The following LRRC4C variants were observed in gnomAD, a reference collection of about 807,000 sequenced individuals.
LRRC4C encodes leucine-rich repeat-containing protein 4C.
A neutral mutation model predicts 33.6 loss-of-function variants in LRRC4C; 5 were observed. That is an observed-to-expected ratio of 0.15 (90% CI 0.08 to 0.31). The LOEUF (loss-of-function observed/expected upper bound fraction) is 0.31, where lower values mean the gene tolerates loss of function less well. Among genes scored for constraint, LRRC4C ranks in the 10% least tolerant of loss-of-function variants. LRRC4C has a pLI of 1.00. For synonymous variants in LRRC4C, 329 were observed against 302.0 expected, an observed-to-expected ratio of 1.09 and a Z score of -0.93; for missense variants, 560 against 796.7, an observed-to-expected ratio of 0.70 and a Z score of 3.58.
intron 1 of LRRC4C, among the ~76,000 whole-genome samples, chr11:41,154,896 G>T (rs1205253466): frequency 6.6e-6 from 1 of 152,130 alleles, no homozygotes; most frequent in Admixed American, 6.6e-5. Context: ...TCACTAGAGT[G>T]GTACGATTAT....
At chr11:40,980,918 T>C (rs1852472310) in intron 1 of LRRC4C, among the ~76,000 whole-genome samples, 1 of 152,230 alleles carries the variant, frequency 6.6e-6, no homozygotes, top group Admixed American at 6.5e-5. Context: ...TAATAAACAG[T>C]AACACATATC....
intron 1 of LRRC4C, among the ~76,000 whole-genome samples, chr11:40,997,610 A>C (rs569970600): frequency 6.6e-6 from 1 of 152,258 alleles, no homozygotes; most frequent in East Asian, 1.9e-4. Context: ...AGAGGTGGGC[A>C]AAGGGTCAAT....
intron 1 of LRRC4C, among the ~76,000 whole-genome samples, chr11:41,353,662 G>T (rs959197635): frequency 1.3e-5 from 2 of 152,128 alleles, no homozygotes; most frequent in Non-Finnish European, 2.9e-5. Flanking sequence ...ACATCAAAAA[G>T]CTAATCTACC....
intron 1 of LRRC4C, among the ~76,000 whole-genome samples, chr11:41,173,068 G>A (rs1310496762): frequency 6.6e-6 from 1 of 152,128 alleles, no homozygotes; most frequent in Non-Finnish European, 1.5e-5. Flanking sequence ...CTGAAATACA[G>A]GTGGTTCCTA....
intron 2 of LRRC4C, among the ~76,000 whole-genome samples, chr11:40,807,632 A>C (rs1951311688): frequency 6.6e-6 from 1 of 152,240 alleles, no homozygotes; most frequent in Non-Finnish European, 1.5e-5. Flanking sequence ...CATCCAAAGC[A>C]GTAAATACTA....
intron 2 of LRRC4C, among the ~76,000 whole-genome samples, chr11:40,904,282 G>A (rs187283894): frequency 1.6e-4 from 24 of 152,228 alleles, no homozygotes; most frequent in South Asian, 1.0e-3. Context: ...CAGAGAAGTC[G>A]TAGGTCACAC....
intron 3 of LRRC4C, among the ~76,000 whole-genome samples, chr11:40,510,114 C>T (rs964299487): frequency 6.6e-6 from 1 of 151,530 alleles, no homozygotes; most frequent in South Asian, 2.1e-4. Context: ...ACTTACATGA[C>T]AAAAGCTCGA....
intron 1 of LRRC4C, among the ~76,000 whole-genome samples, chr11:40,978,927 T>A (rs1240859287): frequency 6.6e-6 from 1 of 152,042 alleles, no homozygotes; most frequent in Non-Finnish European, 1.5e-5. Context: ...CCATCATGCC[T>A]CATCTCTTTT....
intron 1 of LRRC4C, among the ~76,000 whole-genome samples, chr11:41,333,407 A>G (rs896829290): frequency 1.2e-4 from 18 of 152,350 alleles, no homozygotes; most frequent in South Asian, 6.2e-4. Flanking sequence ...TAACATGTAC[A>G]GTTAGCTTTA....
In LRRC4C at chr11:40,281,087, G is replaced by C. The variant is rs1475611303; in HGVS notation, c.-176+38541C>G. ...AGAGAGGGTGAGAAAGAGAGGGAAA[G>C]GCTGCTTGCTGCTTTGGGGAATTGA... On this transcript the variant is annotated intron_variant, in intron 4 of 6. Transcript: ENST00000528697. Among the ~76,000 whole-genome samples the C allele has an allele frequency of 2.0e-5, 3 of 152,280 alleles. No homozygotes were observed. The East Asian group carries it at 5.8e-4, about 29-fold the overall frequency.
chr11:40,126,146 T>C (rs16934385), intron 6 of LRRC4C, among the ~76,000 whole-genome samples: 11,653 of 149,410 alleles, frequency 0.078, 502 homozygotes, highest in East Asian at 0.19. Flanking sequence ...TGCTAAAATT[T>C]CAGAAGTTGA....
At chr11:40,683,302 C>A (rs1241950200) in intron 2 of LRRC4C, among the ~76,000 whole-genome samples, 1 of 152,134 alleles carries the variant, frequency 6.6e-6, no homozygotes, top group Non-Finnish European at 1.5e-5. Context: ...CCACATGACA[C>A]TGTGCCATTA....
intron 2 of LRRC4C, among the ~76,000 whole-genome samples, chr11:40,899,950 GAC>G (rs1491117063): frequency 1.4e-4 from 22 of 152,142 alleles, no homozygotes; most frequent in African/African-American, 5.3e-4. Context: ...AGTACCTTAA[GAC>G]TATGTAAATA....
intron 3 of LRRC4C, among the ~76,000 whole-genome samples, chr11:40,547,493 A>G (rs148855990): frequency 2.0e-5 from 3 of 152,176 alleles, no homozygotes; most frequent in Admixed American, 6.6e-5. Flanking sequence ...GACCCGTTTC[A>G]TTTTACCACC....
At position 41,229,250 on chromosome 11, in the gene LRRC4C, C is replaced by T. The variant is rs549535666; in HGVS notation, c.-496+230181G>A. 1.5e-3 allele frequency among the ~76,000 whole-genome samples: 229 copies of T among 152,136 alleles called. 1 individual carries two copies. The highest frequency in any genetic ancestry group is 5.2e-3 in the African/African-American group (214 of 41,522). On this transcript the variant is annotated intron_variant, in intron 1 of 6. Coordinates refer to ENST00000528697, the MANE Select transcript of LRRC4C (RefSeq NM_001258419.2). ...ACAATGTGCACACATAGAGACAAGGCCATGTGAGGATGTAGAAAGAAGGCA... is the reference window on the plus strand; with the variant it reads ...ACAATGTGCACACATAGAGACAAGGTCATGTGAGGATGTAGAAAGAAGGCA...
chr11:40,560,464 GTGTGT>G (rs1957505457), intron 3 of LRRC4C, among the ~76,000 whole-genome samples: 1 of 152,006 alleles, frequency 6.6e-6, no homozygotes, highest in Admixed American at 6.6e-5. Context: ...GTGTGTGTGT[GTGTGT>G]TATCTGTATT....
intron 3 of LRRC4C, among the ~76,000 whole-genome samples, chr11:40,553,289 A>AACAG (rs1379117966): frequency 2.0e-5 from 3 of 151,310 alleles, no homozygotes; most frequent in Non-Finnish European, 4.4e-5. Context: ...AACAAAAACA[A>AACAG]ACAAAAAAAG....
chr11:41,073,820 T>C (rs940558780), intron 1 of LRRC4C, among the ~76,000 whole-genome samples: 1 of 152,194 alleles, frequency 6.6e-6, no homozygotes, highest in Non-Finnish European at 1.5e-5. Context: ...CTTTTCCCCT[T>C]GTTTCCTCAG....
At chr11:40,908,861 A>G (rs993482531) in intron 2 of LRRC4C, among the ~76,000 whole-genome samples, 1 of 152,202 alleles carries the variant, frequency 6.6e-6, no homozygotes, top group Non-Finnish European at 1.5e-5. Context: ...TTAATGTGCT[A>G]ATTCAATTCA....
Sources: gnomAD v4.1 joint callset for allele counts (sites outside exome capture counted in the v4.1 genomes callset) on GRCh38, gnomAD v4.1.1 for gene constraint, MANE v1.5 for transcripts, NCBI Gene and HGNC (gene_info 2026-07-23, HGNC 2026-07-21) for gene names.